The following DOCK9 variants were observed in gnomAD, a reference collection of about 807,000 sequenced individuals.
DOCK9 encodes dedicator of cytokinesis protein 9.
A neutral mutation model predicts 263.3 loss-of-function variants in DOCK9; 89 were observed. The observed-to-expected ratio is 0.34, with a 90% CI of 0.28 to 0.40. DOCK9 has a LOEUF of 0.40. Among genes scored for constraint, DOCK9 ranks in the 10% least tolerant of loss-of-function variants. DOCK9 has a pLI of 1.00. For missense variants in DOCK9, 2,140 were observed against 2,603.4 expected (o/e 0.82, Z 3.87); for synonymous variants, 976 against 973.1 (o/e 1.00, Z -0.06).
chr13:98,957,666 G>A (rs1372491536), intron 1 of DOCK9, among the ~76,000 whole-genome samples: 2 of 150,764 alleles, frequency 1.3e-5, no homozygotes, highest in Non-Finnish European at 3.0e-5. Context: ...TTATTTGTTT[G>A]TCATACTGCA....
chr13:98,863,163 C>T lies in DOCK9; in HGVS notation c.3466-31G>A, dbSNP rs376008632. 55 of 1,574,224 alleles carry T rather than the reference C, an allele frequency of 3.5e-5. No individual in the cohort carries two copies. The African/African-American group carries it at 6.7e-4, about 19-fold the overall frequency. On this transcript the variant is annotated intron_variant, in intron 31 of 52. Transcript: ENST00000682017. ...AAGAAGACACACATGGTAAGTTTGACCCAGGATTCTGAGAACCGAACTAAG... is the reference window on the plus strand; with the variant it reads ...AAGAAGACACACATGGTAAGTTTGATCCAGGATTCTGAGAACCGAACTAAG...
At position 98,977,840 on chromosome 13, in the gene DOCK9, G is replaced by A; in HGVS notation, c.70C>T (p.Gln24Ter). The A allele has an allele frequency of 1.2e-6, 2 of 1,608,906 alleles. No homozygotes were observed. The highest frequency in any genetic ancestry group is 1.1e-5 in the South Asian group (1 of 89,856). The change falls in exon 1 of 53, where the codon CAA (glutamine) becomes TAA (stop). Residue 24 changes from glutamine (Q) to a stop codon, truncating the protein, a stop_gained. Coordinates refer to ENST00000682017, the MANE Select transcript of DOCK9 (RefSeq NM_001366683.2). LOFTEE classifies it high-confidence loss of function. Reference protein sequence around the residue: ...KKELVIESPLQYKDAAQGEVE... With the variant: ...KKELVIESPL ...TCGCCCTGAGCTGCATCCTTGTATTGCAGGGGGGACTCAATCACCAGTTCC... is the reference window on the plus strand; with the variant it reads ...TCGCCCTGAGCTGCATCCTTGTATTACAGGGGGGACTCAATCACCAGTTCC...
chr13:98,963,143 C>A (rs912172261), intron 1 of DOCK9, among the ~76,000 whole-genome samples: 2 of 152,142 alleles, frequency 1.3e-5, no homozygotes, highest in African/African-American at 4.8e-5. Context: ...CAGCATGGCG[C>A]GCCTCTAGCA....
At chr13:98,917,634 C>CT (rs138080498) in intron 7 of DOCK9, among the ~76,000 whole-genome samples, 100,442 of 145,544 alleles carry the variant, frequency 0.69, 34,966 homozygotes, top group Middle Eastern at 0.81. Flanking sequence ...TGTATTTTAC[C>CT]TTTTTTTTTC....
chr13:98,929,557 T>C (rs2053591129), intron 3 of DOCK9, among the ~76,000 whole-genome samples: 1 of 151,830 alleles, frequency 6.6e-6, no homozygotes, highest in Admixed American at 6.6e-5. Context: ...AAAATAAAAA[T>C]AAAAATAAAA....
At chr13:99,008,228 A>ATT (rs1355762469) in intron 1 of DOCK9, among the ~76,000 whole-genome samples, 2 of 118,046 alleles carry the variant, frequency 1.7e-5, no homozygotes, top group South Asian at 6.7e-4. Flanking sequence ...ATATATATAT[A>ATT]TATATATTTT....
At chr13:99,039,382 A>AC (rs1402558887) in intron 1 of DOCK9, among the ~76,000 whole-genome samples, 1 of 152,126 alleles carries the variant, frequency 6.6e-6, no homozygotes, top group African/African-American at 2.4e-5. Flanking sequence ...TGGGAAGAAA[A>AC]CCATTTTCTT....
intron 27 of DOCK9, among the ~76,000 whole-genome samples, chr13:98,869,796 G>A (rs756701778): frequency 6.6e-6 from 1 of 152,252 alleles, no homozygotes; most frequent in Admixed American, 6.5e-5. Context: ...TGGAAGGGAT[G>A]CGTGCCTTGT....
chr13:98,805,255 A>C (rs1208854359), intron 48 of DOCK9, 46 bp from the exon 49 acceptor site: 2 of 1,489,942 alleles, frequency 1.3e-6, no homozygotes, highest in African/African-American at 2.8e-5. Context: ...CCATGAAGGA[A>C]TCACTCAGTT....
chr13:98,840,917 A>G (rs1209958904), intron 38 of DOCK9, among the ~76,000 whole-genome samples: 3 of 152,354 alleles, frequency 2.0e-5, no homozygotes, highest in Middle Eastern at 3.4e-3. Context: ...TTCTTGCTGA[A>G]AGAACTCTCC....
chr13:98,928,981 A>T (rs769961234), intron 3 of DOCK9, among the ~76,000 whole-genome samples: 5 of 152,148 alleles, frequency 3.3e-5, no homozygotes, highest in Non-Finnish European at 7.3e-5. Context: ...CAAAAATCTC[A>T]ATGGAAATTA....
chr13:98,880,486 C>T (rs2044568341), intron 26 of DOCK9, 61 bp downstream of exon 26: 1 of 1,607,514 alleles, frequency 6.2e-7, no homozygotes, highest in Admixed American at 1.7e-5. Flanking sequence ...ATTGATCAGG[C>T]TGTGGAGTGA....
chr13:98,993,275 C>T (rs1002267625), intron 1 of DOCK9, among the ~76,000 whole-genome samples: 15 of 152,220 alleles, frequency 9.9e-5, no homozygotes, highest in African/African-American at 3.6e-4. Flanking sequence ...CATTACGGAC[C>T]CCGTATGAGA....
rs1163363306 is a variant in DOCK9, at chr13:98,809,321, G to T, written c.5367+31C>A. The T allele has an allele frequency of 2.6e-6, 4 of 1,550,124 alleles. No individual in the cohort carries two copies. The South Asian group carries it at 3.4e-5, about 13-fold the overall frequency. ...TTTTTGTTTTTTTTTAAAGGACTTA[G>T]GACAGTCTGCAGAATGGACAGGAGG... On this transcript the variant is annotated intron_variant, in intron 47 of 52. Coordinates refer to ENST00000682017, the MANE Select transcript of DOCK9 (RefSeq NM_001366683.2).
intron 45 of DOCK9, among the ~76,000 whole-genome samples, chr13:98,814,255 G>A (rs770484364): frequency 1.4e-4 from 21 of 152,164 alleles, no homozygotes; most frequent in Non-Finnish European, 8.8e-5. Context: ...AGGTACATCA[G>A]TTTTGCCTGC....
chr13:99,025,683 A>G (rs916052888), intron 1 of DOCK9, among the ~76,000 whole-genome samples: 6 of 152,262 alleles, frequency 3.9e-5, no homozygotes, highest in African/African-American at 1.4e-4. Context: ...CGTATGATCC[A>G]GCAATTCCAC....
chr13:98,960,780 A>T (rs2058546163), intron 1 of DOCK9, among the ~76,000 whole-genome samples: 1 of 152,142 alleles, frequency 6.6e-6, no homozygotes, highest in African/African-American at 2.4e-5. Flanking sequence ...CCTATACTTG[A>T]ACATGCTCTC....
At position 98,794,468 on chromosome 13, in the gene DOCK9, T is replaced by C; in HGVS notation, c.*158A>G. ...TATGTGCACCTTCTTACAACTCCTA[T>C]AGAAAGTCTGTTAAGAAATAACGTT... is the stretch of plus-strand genomic sequence containing the variant. On this transcript the variant is annotated 3_prime_UTR_variant, in exon 53 of 53. Coordinates refer to ENST00000682017, the MANE Select transcript of DOCK9 (RefSeq NM_001366683.2). 1 of 793,260 alleles carries C rather than the reference T, an allele frequency of 1.3e-6. No individual in the cohort carries two copies. The allele number at this position is 793,260 out of a possible 1,614,324, so 49.1% of individuals were successfully genotyped here.
Position 98,867,932 on chromosome 13 carries a change from G to A in DOCK9, c.3170C>T (p.Pro1057Leu), listed in dbSNP as rs1364865179. The change falls in exon 29 of 53, where the codon CCA becomes CTA. Residue 1057 changes from proline to leucine, a missense_variant. Physicochemically the swap from Pro to Leu is moderately conservative, Grantham distance 98 (BLOSUM62 -3). This residue lies in a region of DOCK9 where 1,521 missense variants were observed against 1,741.7 expected (regional missense o/e 0.87). Coordinates refer to ENST00000682017, the MANE Select transcript of DOCK9 (RefSeq NM_001366683.2). Reference sequence around the variant, plus strand: ...CAGTAACAACCCCCGCACTACCTTTGGGTCTCCAGGAGCAAAACAGCTAAT... The same window carrying A: ...CAGTAACAACCCCCGCACTACCTTTAGGTCTCCAGGAGCAAAACAGCTAAT... ...NYISCFAPGDPKTLFEYKFEF... is the reference protein window; with the variant it reads ...NYISCFAPGDLKTLFEYKFEF... 6.2e-7 allele frequency: 1 copy of A among 1,613,252 alleles called. No individual in the cohort carries two copies. The highest frequency in any genetic ancestry group is 2.2e-5 in the East Asian group (1 of 44,850).
Sources: gnomAD v4.1 joint callset for allele counts (sites outside exome capture counted in the v4.1 genomes callset) on GRCh38, gnomAD v4.1.1 for gene constraint, gnomAD v4.1.1 regional missense constraint, MANE v1.5 for transcripts, NCBI Gene and HGNC (gene_info 2026-07-23, HGNC 2026-07-21) for gene names.